SPMIP11: variants seen among roughly 807,000 people sequenced by gnomAD.
The protein encoded by SPMIP11 is long intergenic non-protein coding RNA 935.
chr12:48,751,598 G>A, the SPMIP11 span, among the ~76,000 whole-genome samples: 1 of 152,116 alleles, frequency 6.6e-6, no homozygotes, highest in Non-Finnish European at 1.5e-5. Flanking sequence ...GAGTGAGACT[G>A]ACTCAAAAAC....
At chr12:48,729,173 G>A in the SPMIP11 span, among the ~76,000 whole-genome samples, 38 of 152,188 alleles carry the variant, frequency 2.5e-4, no homozygotes, top group East Asian at 5.2e-3. Context: ...AGACTGAGGC[G>A]GGCAGATCAT....
At chr12:48,765,419 C>T in the SPMIP11 span, among the ~76,000 whole-genome samples, 7 of 152,152 alleles carry the variant, frequency 4.6e-5, no homozygotes, top group African/African-American at 1.4e-4. Flanking sequence ...TTAGTAGAGA[C>T]GAGGTTTCAC....
chr12:48,733,811 G>T, the SPMIP11 span, among the ~76,000 whole-genome samples: 3 of 119,016 alleles, frequency 2.5e-5, no homozygotes, highest in Non-Finnish European at 3.2e-5. Context: ...TCACTCTGTC[G>T]CCAGGCTGGA....
At chr12:48,764,177 CG>C in the SPMIP11 span, among the ~76,000 whole-genome samples, 14 of 149,840 alleles carry the variant, frequency 9.3e-5, no homozygotes, top group African/African-American at 3.4e-4. Context: ...TTAGTAGAGA[CG>C]GGGTTTCTCC....
chr12:48,730,260 G>A, the SPMIP11 span, among the ~76,000 whole-genome samples: 4 of 152,202 alleles, frequency 2.6e-5, no homozygotes, highest in East Asian at 1.9e-4. Flanking sequence ...GTGGGATGAC[G>A]GAGAAGTATC....
chr12:48,755,345 T>G, the SPMIP11 span, among the ~76,000 whole-genome samples: 1 of 152,126 alleles, frequency 6.6e-6, no homozygotes, highest in African/African-American at 2.4e-5. Flanking sequence ...GTTAACTGGG[T>G]GGATGAAGGA....
At chr12:48,752,822 C>T in the SPMIP11 span, among the ~76,000 whole-genome samples, 1 of 151,986 alleles carries the variant, frequency 6.6e-6, no homozygotes. Context: ...CAGGCACATG[C>T]GACCACACCC....
At chr12:48,758,439 A>G in the SPMIP11 span, among the ~76,000 whole-genome samples, 2 of 152,218 alleles carry the variant, frequency 1.3e-5, no homozygotes, top group Non-Finnish European at 2.9e-5. Context: ...ATAACTTTAT[A>G]TGGCCACTGC....
chr12:48,741,069 C>CTTTTTTT, the SPMIP11 span, among the ~76,000 whole-genome samples: 1 of 112,518 alleles, frequency 8.9e-6, no homozygotes. Flanking sequence ...ATGATATTGA[C>CTTTTTTT]TTTTTTTTTT....
At chr12:48,737,548 G>C in the SPMIP11 span, among the ~76,000 whole-genome samples, 1 of 151,250 alleles carries the variant, frequency 6.6e-6, no homozygotes, top group South Asian at 2.1e-4. Context: ...CCATGTAGCT[G>C]GGATTACAGG....
At chr12:48,752,718 C>CTGGA in the SPMIP11 span, among the ~76,000 whole-genome samples, 2 of 142,868 alleles carry the variant, frequency 1.4e-5, no homozygotes, top group South Asian at 4.3e-4. Context: ...GTTGCCCAGG[C>CTGGA]TGGAGTACAG....
At chr12:48,764,332 A>T in the SPMIP11 span, among the ~76,000 whole-genome samples, 1 of 152,212 alleles carries the variant, frequency 6.6e-6, no homozygotes, top group African/African-American at 2.4e-5. Flanking sequence ...ATATTATTAC[A>T]AAAATTTAAG....
the SPMIP11 span, among the ~76,000 whole-genome samples, chr12:48,750,099 C>A: frequency 6.6e-6 from 1 of 151,958 alleles, no homozygotes; most frequent in Admixed American, 6.6e-5. Context: ...GGCCTGTAAT[C>A]CCAGTACTTT....
chr12:48,768,080 G>A, the SPMIP11 span: 1 of 178,282 alleles, frequency 5.6e-6, no homozygotes, highest in Non-Finnish European at 1.2e-5. Flanking sequence ...GCTGGGGTGG[G>A]GAAGTGCCCA....
chr12:48,763,356 T>C, the SPMIP11 span, among the ~76,000 whole-genome samples: 1 of 152,030 alleles, frequency 6.6e-6, no homozygotes, highest in Non-Finnish European at 1.5e-5. Context: ...GTATTTTTTG[T>C]AGAAATGGGG....
At chr12:48,758,685 C>T in the SPMIP11 span, among the ~76,000 whole-genome samples, 1 of 152,222 alleles carries the variant, frequency 6.6e-6, no homozygotes, top group African/African-American at 2.4e-5. Context: ...TCCTTCTCCT[C>T]TTCACCCAGC....
chr12:48,745,528 C>T, the SPMIP11 span, among the ~76,000 whole-genome samples: 12 of 152,096 alleles, frequency 7.9e-5, no homozygotes, highest in African/African-American at 2.7e-4. Context: ...ATCACTTGAA[C>T]TCAGGAGGCG....
chr12:48,741,347 G>A, the SPMIP11 span, among the ~76,000 whole-genome samples: 1 of 151,968 alleles, frequency 6.6e-6, no homozygotes, highest in Non-Finnish European at 1.5e-5. Context: ...CACCATGCCT[G>A]GCCAATACTG....
At chr12:48,743,471 G>A in the SPMIP11 span, among the ~76,000 whole-genome samples, 2 of 152,042 alleles carry the variant, frequency 1.3e-5, no homozygotes, top group Admixed American at 6.6e-5. Flanking sequence ...TAAATTGTCG[G>A]GAGAGAAGGG....
Sources: allele counts gnomAD v4.1 joint callset (sites outside exome capture counted in the v4.1 genomes callset), GRCh38; gene constraint gnomAD v4.1.1; transcripts MANE v1.5; gene names NCBI Gene and HGNC (gene_info 2026-07-23, HGNC 2026-07-21).